The following IL1RL2 variants were observed in gnomAD, a reference collection of about 807,000 sequenced individuals.
The protein encoded by IL1RL2 is interleukin 1 receptor like 2.
Under a neutral mutation model 66.8 loss-of-function variants are expected in IL1RL2, and 68 were observed. That is an observed-to-expected ratio of 1.02 (90% CI 0.84 to 1.25). IL1RL2 has a LOEUF of 1.25. Ranked by LOEUF, IL1RL2 falls within the 50% of genes most tolerant of loss-of-function variation. IL1RL2 has a pLI of 0.00. For missense variants in IL1RL2, 729 were observed against 709.3 expected (o/e 1.03, Z -0.32); for synonymous variants, 305 against 264.6 (o/e 1.15, Z -1.48).
At chr2:102,215,722 T>C (rs1466252459) in intron 6 of IL1RL2, among the ~76,000 whole-genome samples, 1 of 152,168 alleles carries the variant, frequency 6.6e-6, no homozygotes, top group African/African-American at 2.4e-5. Flanking sequence ...TACAAACTCC[T>C]GCAGCCTAGG....
At chr2:102,188,751 C>A (rs1355697481) in intron 2 of IL1RL2, among the ~76,000 whole-genome samples, 4 of 151,888 alleles carry the variant, frequency 2.6e-5, no homozygotes, top group African/African-American at 9.7e-5. Flanking sequence ...TTGATTTACT[C>A]TGTAGGTGAG....
intron 3 of IL1RL2, among the ~76,000 whole-genome samples, chr2:102,190,016 C>T (rs541099322): frequency 6.6e-6 from 1 of 152,302 alleles, no homozygotes; most frequent in African/African-American, 2.4e-5. Flanking sequence ...TAGGAATGAG[C>T]CTCCTATGAG....
At chr2:102,226,071 T>G (rs1221717669) in intron 9 of IL1RL2, 30 bp downstream of exon 9, 1 of 1,531,326 alleles carries the variant, frequency 6.5e-7, no homozygotes, top group African/African-American at 1.4e-5. Context: ...GAAAAATGCC[T>G]CAAAATTGGT....
At chr2:102,199,307 G>A (rs1688040067) in intron 4 of IL1RL2, among the ~76,000 whole-genome samples, 1 of 152,168 alleles carries the variant, frequency 6.6e-6, no homozygotes, top group Non-Finnish European at 1.5e-5. Flanking sequence ...CTCTTGCTCA[G>A]AAAGCTTCTG....
At chr2:102,234,791 A>C (rs916130711) in intron 10 of IL1RL2, 106 bp from the exon 11 acceptor site, 5 of 1,144,026 alleles carry the variant, frequency 4.4e-6, no homozygotes, top group Admixed American at 4.6e-5. Context: ...CACTTCAAAA[A>C]AAAAAAGTCA....
In IL1RL2 at chr2:102,191,758, C is replaced by A. The variant is rs76097376; in HGVS notation, c.294-167C>A. Among the ~76,000 whole-genome samples, 489 of 152,296 alleles carry A rather than the reference C, an allele frequency of 3.2e-3. 7 individuals carry two copies. The highest frequency in any genetic ancestry group is 0.011 in the African/African-American group (468 of 41,572). ...TCCAGTTCCTCCACTGTATGAATACCATTTGTCCTTTTGTGATGAATCATT... is the reference window on the plus strand; with the variant it reads ...TCCAGTTCCTCCACTGTATGAATACAATTTGTCCTTTTGTGATGAATCATT... On this transcript the variant is annotated intron_variant, in intron 3 of 11. Coordinates refer to ENST00000264257, the MANE Select transcript of IL1RL2 (RefSeq NM_003854.4).
intron 8 of IL1RL2, among the ~76,000 whole-genome samples, chr2:102,223,448 G>T (rs925569466): frequency 1.3e-5 from 2 of 152,182 alleles, no homozygotes; most frequent in African/African-American, 4.8e-5. Context: ...GTAGTCAAAT[G>T]ACTCAGATGG....
chr2:102,210,400 G>A (rs1195570090), intron 5 of IL1RL2, among the ~76,000 whole-genome samples: 1 of 152,172 alleles, frequency 6.6e-6, no homozygotes. Flanking sequence ...CAGCCAGACA[G>A]ATCAAAAGCA....
chr2:102,225,739 T>C (rs959692369), intron 8 of IL1RL2, among the ~76,000 whole-genome samples, 159 bp from the exon 9 acceptor site: 12 of 152,184 alleles, frequency 7.9e-5, no homozygotes, highest in Non-Finnish European at 1.3e-4. Context: ...CATACCACTT[T>C]TTTGACTTTA....
In IL1RL2 at chr2:102,187,109, G is replaced by C. The variant is rs1334329563; in HGVS notation, c.-13+23G>C. Reference sequence around the variant, plus strand: ...CAGGTAGACACCGGGCCGGGAGTCTGGCTGAGCCAGGCATGGGTGGGGCCC... The same window carrying C: ...CAGGTAGACACCGGGCCGGGAGTCTCGCTGAGCCAGGCATGGGTGGGGCCC... On this transcript the variant is annotated intron_variant, in intron 1 of 11. Coordinates refer to ENST00000264257, the MANE Select transcript of IL1RL2 (RefSeq NM_003854.4). The C allele has an allele frequency of 3.9e-6, 5 of 1,289,460 alleles. No homozygotes were observed. In the South Asian group the frequency reaches 4.9e-5, roughly 13 times the overall value. 79.9% of individuals were successfully genotyped at this position (1,289,460 alleles called of 1,614,324 possible).
intron 11 of IL1RL2, among the ~76,000 whole-genome samples, chr2:102,238,313 G>A (rs372640519): frequency 2.0e-5 from 3 of 152,168 alleles, no homozygotes; most frequent in African/African-American, 7.2e-5. Context: ...TCATGAGAGA[G>A]GCCCTGGGAA....
At chr2:102,223,374 G>A (rs1690313485) in intron 8 of IL1RL2, among the ~76,000 whole-genome samples, 1 of 152,128 alleles carries the variant, frequency 6.6e-6, no homozygotes, top group Non-Finnish European at 1.5e-5. Flanking sequence ...TTTAAATTGG[G>A]TGTGCTCTTC....
At chr2:102,220,043 G>A in intron 8 of IL1RL2, 26 bp downstream of exon 8, 4 of 1,559,972 alleles carry the variant, frequency 2.6e-6, no homozygotes, top group Non-Finnish European at 3.5e-6. Context: ...GTTACACACT[G>A]TTCAGAGTGT....
rs1559564038 is a variant in IL1RL2 at position 102,233,094 on chromosome 2, A to G, written c.1267A>G (p.Ile423Val). Residue 423 changes from isoleucine (I) to valine (V), a missense_variant, in exon 10 of 12, where the codon ATA becomes GTA. By Grantham distance (29) the Ile-to-Val change is conservative. Coordinates refer to ENST00000264257, the MANE Select transcript of IL1RL2 (RefSeq NM_003854.4). ...LERQCGYKLF[I>V]FGRDEFPGQA... ...GAGACAATGTGGATATAAGTTGTTT[A>G]TATTCGGCAGAGATGAATTCCCTGG... The G allele has an allele frequency of 6.2e-7, 1 of 1,613,406 alleles. No individual in the cohort carries two copies.
intron 2 of IL1RL2, among the ~76,000 whole-genome samples, chr2:102,188,710 G>A (rs1386912087): frequency 6.6e-6 from 1 of 152,142 alleles, no homozygotes; most frequent in Non-Finnish European, 1.5e-5. Flanking sequence ...ATAACTGGGT[G>A]GCAGAGCAGA....
Position 102,235,134 on chromosome 2 carries a change from G to A in IL1RL2, c.1535G>A (p.Arg512Gln), listed in dbSNP as rs199504408. The A allele has an allele frequency of 1.5e-5, 25 of 1,614,212 alleles. No homozygotes were observed. Among genetic ancestry groups the A allele is most frequent in the African/African-American group, 4.0e-5 (3 of 75,052 alleles). Residue 512 changes from arginine (R) to glutamine (Q), a missense_variant, in exon 11 of 12, where the codon CGG becomes CAG. By Grantham distance (43) the Arg-to-Gln change is conservative. Coordinates refer to ENST00000264257, the MANE Select transcript of IL1RL2 (RefSeq NM_003854.4). ...QYIKQKHGAI[R>Q]WHGDFTEQSQ... ...ATCAAACAGAAGCATGGTGCCATCC[G>A]GTGGCATGGGGACTTCACGGAGCAG...
intron 5 of IL1RL2, among the ~76,000 whole-genome samples, chr2:102,210,882 G>A (rs774813813): frequency 3.0e-4 from 46 of 152,190 alleles, no homozygotes; most frequent in Non-Finnish European, 5.9e-4. Flanking sequence ...CATTGGCCTT[G>A]AAATGATATT....
chr2:102,212,133 A>G lies in IL1RL2; in HGVS notation c.683A>G (p.Lys228Arg). Reference protein sequence around the residue: ...ERAGYGGSVPKIIYPKNHSIE... With the variant: ...ERAGYGGSVPRIIYPKNHSIE... ...GCTGGATATGGAGGAAGTGTCCCTA[A>G]AATCATTTATCCAAAAAATCATTCA... Residue 228 changes from lysine (K) to arginine (R), a missense_variant, in exon 6 of 12, where the codon AAA (lysine) becomes AGA (arginine). Physicochemically the swap from Lys to Arg is conservative, Grantham distance 26. Coordinates refer to ENST00000264257, the MANE Select transcript of IL1RL2 (RefSeq NM_003854.4). The G allele has an allele frequency of 1.2e-6, 2 of 1,613,622 alleles. No homozygotes were observed. Among genetic ancestry groups the G allele is most frequent in the Middle Eastern group, 1.7e-4 (1 of 6,060 alleles).
Position 102,191,905 on chromosome 2 carries a change from G to T in IL1RL2, c.294-20G>T, listed in dbSNP as rs765362522. 6.7e-7 allele frequency: 1 copy of T among 1,499,040 alleles called. No homozygotes were observed. Among genetic ancestry groups the T allele is most frequent in the South Asian group, 1.2e-5 (1 of 82,132 alleles). The allele number at this position is 1,499,040 out of a possible 1,614,324, so 92.9% of individuals were successfully genotyped here. Reference sequence around the variant, plus strand: ...GTGATTTGTTTTAAAGAGTTTATGAGGTCTCAATCTGTCTTACAGGGGTAG... The same window carrying T: ...GTGATTTGTTTTAAAGAGTTTATGATGTCTCAATCTGTCTTACAGGGGTAG... On this transcript the variant is annotated intron_variant, in intron 3 of 11. Coordinates refer to ENST00000264257, the MANE Select transcript of IL1RL2 (RefSeq NM_003854.4).
Sources: allele counts gnomAD v4.1 joint callset (sites outside exome capture counted in the v4.1 genomes callset), GRCh38; gene constraint gnomAD v4.1.1; transcripts MANE v1.5; gene names NCBI Gene and HGNC (gene_info 2026-07-23, HGNC 2026-07-21).